SLC27A1: variants seen among roughly 807,000 people sequenced by gnomAD.
SLC27A1 encodes solute carrier family 27 member 1, also known as long-chain fatty acid transport protein 1.
Under a neutral mutation model 62.2 loss-of-function variants are expected in SLC27A1, and 61 were observed. The observed-to-expected ratio is 0.98, with a 90% CI of 0.80 to 1.21. The LOEUF is 1.21. Ranked by LOEUF, SLC27A1 falls within the 50% of genes most tolerant of loss-of-function variation. The pLI is 0.00. For synonymous variants in SLC27A1, 435 were observed against 408.6 expected (o/e 1.06, Z -0.78); for missense variants, 903 against 932.1 (o/e 0.97, Z 0.41).
At chr19:17,493,122 CAAA>C (rs35742259) in intron 6 of SLC27A1, among the ~76,000 whole-genome samples, 1 of 112,840 alleles carries the variant, frequency 8.9e-6, no homozygotes. Flanking sequence ...GACTCCATCT[CAAA>C]AAAAAAAAAA....
intron 1 of SLC27A1, among the ~76,000 whole-genome samples, chr19:17,476,883 GTTT>G (rs71162144): frequency 0.014 from 1,811 of 131,824 alleles, 41 homozygotes; most frequent in African/African-American, 0.047. Flanking sequence ...ATGATCATCT[GTTT>G]TTTTTTTTTT....
intron 6 of SLC27A1, among the ~76,000 whole-genome samples, chr19:17,492,642 GA>G (rs1403837606): frequency 7.3e-6 from 1 of 136,870 alleles, no homozygotes; most frequent in African/African-American, 2.7e-5. Context: ...AAAAGAAAAA[GA>G]AATAGAGGAC....
chr19:17,483,257 G>A (rs11670276), intron 1 of SLC27A1, among the ~76,000 whole-genome samples: 121,813 of 152,086 alleles, frequency 0.8, 50,089 homozygotes, highest in Non-Finnish European at 0.92. Context: ...GGGTAGAACA[G>A]AGAGCTCCCT....
Position 17,501,293 on chromosome 19 carries a change from A to T in SLC27A1, c.1657A>T (p.Met553Leu). 6.2e-7 allele frequency: 1 copy of T among 1,613,524 alleles called. No individual in the cohort carries two copies. Residue 553 changes from methionine (M) to leucine (L), a missense_variant, in exon 11 of 12, where the codon ATG becomes TTG. By Grantham distance (15) the Met-to-Leu change is conservative. Coordinates refer to ENST00000252595, the MANE Select transcript of SLC27A1 (RefSeq NM_198580.3). Reference protein sequence around the residue: ...AVPGVEGKAGMAAVADPHSLL... With the variant: ...AVPGVEGKAGLAAVADPHSLL... ...TCCAGGAGTGGAGGGTAAGGCAGGG[A>T]TGGCGGCCGTCGCAGACCCCCACAG...
intron 1 of SLC27A1, among the ~76,000 whole-genome samples, chr19:17,476,625 G>A (rs1277362024): frequency 8.6e-5 from 13 of 151,808 alleles, no homozygotes; most frequent in African/African-American, 2.7e-4. Flanking sequence ...CACTGGCTAC[G>A]TCGCCAGCAC....
At chr19:17,477,878 TA>T (rs2075140129) in intron 1 of SLC27A1, among the ~76,000 whole-genome samples, 1 of 151,818 alleles carries the variant, frequency 6.6e-6, no homozygotes, top group South Asian at 2.1e-4. Context: ...AAAATAAATT[TA>T]AAAAATTATT....
chr19:17,471,563 A>C (rs1429985835), intron 1 of SLC27A1, among the ~76,000 whole-genome samples: 1 of 152,090 alleles, frequency 6.6e-6, no homozygotes, highest in Non-Finnish European at 1.5e-5. Context: ...GGCTTCTATC[A>C]GAGCAGACCT....
intron 4 of SLC27A1, among the ~76,000 whole-genome samples, chr19:17,488,550 C>T (rs926296985): frequency 6.6e-6 from 1 of 152,172 alleles, no homozygotes; most frequent in South Asian, 2.1e-4. Flanking sequence ...CCATAGCTCG[C>T]CCCCACAGCT....
intron 1 of SLC27A1, among the ~76,000 whole-genome samples, chr19:17,478,466 C>CA (rs869214050): frequency 0.26 from 12,582 of 47,540 alleles, 1,751 homozygotes; most frequent in Non-Finnish European, 0.37. Context: ...GACTCCGTCT[C>CA]AAAAAAAAAA....
intron 1 of SLC27A1, among the ~76,000 whole-genome samples, chr19:17,477,543 CTTCT>C (rs374135945): frequency 1.4e-5 from 2 of 144,448 alleles, no homozygotes; most frequent in Admixed American, 7.0e-5. Flanking sequence ...CGTGCCTGGC[CTTCT>C]TTCTTTCTTT....
intron 6 of SLC27A1, 119 bp from the exon 7 acceptor site, chr19:17,497,136 T>G (rs2075357610): frequency 5.7e-6 from 4 of 705,920 alleles, no homozygotes; most frequent in Non-Finnish European, 9.3e-6. Context: ...TCATCATCCT[T>G]AGGCTGTTCC....
rs2075411362 is a variant in SLC27A1 at position 17,501,402 on chromosome 19, C to T, written c.1766C>T (p.Pro589Leu). 1.2e-6 allele frequency: 2 copies of T among 1,613,446 alleles called. No homozygotes were observed. Among genetic ancestry groups the T allele is most frequent in the African/African-American group, 1.3e-5 (1 of 75,034 alleles). ...YARPIFLRLL[P>L]QVDTTGTFKI... is the part of the protein sequence containing the mutation. ...CGGCCCATCTTCCTGCGCCTCCTGC[C>T]CCAGGTGGACACCACAGGTGCGAGT... is the stretch of plus-strand genomic sequence containing the variant. Residue 589 changes from proline (P) to leucine (L), a missense_variant, in exon 11 of 12, where the codon CCC becomes CTC. By Grantham distance (98) the Pro-to-Leu change is moderately conservative. Coordinates refer to ENST00000252595, the MANE Select transcript of SLC27A1 (RefSeq NM_198580.3).
At chr19:17,493,449 A>AC (rs2075316872) in intron 6 of SLC27A1, among the ~76,000 whole-genome samples, 2 of 149,592 alleles carry the variant, frequency 1.3e-5, no homozygotes, top group Non-Finnish European at 3.0e-5. Context: ...AAAAAAAAAA[A>AC]CAGGACAGAA....
At position 17,494,321 on chromosome 19, in the gene SLC27A1, CCTTTTT is replaced by C. The variant is rs543156579; in HGVS notation, c.997-2915_997-2910del. On this transcript the variant is annotated intron_variant, in intron 6 of 11. Coordinates refer to ENST00000252595, the MANE Select transcript of SLC27A1 (RefSeq NM_198580.3). ...TACAGGCGTGAGCCACCGTGCCTGGCCTTTTTCTTTTTCTTTTTCTTTTTGAGACGG... is the reference window on the plus strand; with the variant it reads ...TACAGGCGTGAGCCACCGTGCCTGGCCTTTTTCTTTTTCTTTTTGAGACGG... Among the ~76,000 whole-genome samples, 1,230 of 150,608 alleles carry C rather than the reference CCTTTTT, an allele frequency of 8.2e-3. 9 individuals are homozygous for C. Among genetic ancestry groups the C allele is most frequent in the Middle Eastern group, 0.022 (6 of 278 alleles).
chr19:17,487,622 TC>T, intron 4 of SLC27A1, 93 bp downstream of exon 4: 1 of 1,265,440 alleles, frequency 7.9e-7, no homozygotes, highest in Non-Finnish European at 1.1e-6. Flanking sequence ...TGTGGGCATC[TC>T]CATGTTACCC....
chr19:17,501,947 A>C (rs938098428), intron 11 of SLC27A1, among the ~76,000 whole-genome samples: 3 of 151,648 alleles, frequency 2.0e-5, no homozygotes, highest in Non-Finnish European at 4.4e-5. Flanking sequence ...CTGTGTCTCT[A>C]CTAAAAATAC....
At chr19:17,485,588 G>A (rs1296701310) in intron 1 of SLC27A1, among the ~76,000 whole-genome samples, 1 of 151,878 alleles carries the variant, frequency 6.6e-6, no homozygotes, top group African/African-American at 2.4e-5. Context: ...CCAATACTTT[G>A]GGAGGCCAGG....
Position 17,499,948 on chromosome 19 carries a change from G to T in SLC27A1, c.1207-330G>T, listed in dbSNP as rs920625630. On this transcript the variant is annotated intron_variant, in intron 7 of 11. Coordinates refer to ENST00000252595, the MANE Select transcript of SLC27A1 (RefSeq NM_198580.3). ...AGAACCATGCCAAGCAGGGCGGCGG[G>T]CAGCAGGTGAAGCTCTGCAGTGTCT... The T allele has an allele frequency of 2.3e-5, 7 of 301,930 alleles. No homozygotes were observed. The Admixed American group carries it at 3.3e-4, about 14-fold the overall frequency. The allele number at this position is 301,930 out of a possible 1,614,324, so 18.7% of individuals were successfully genotyped here.
intron 6 of SLC27A1, among the ~76,000 whole-genome samples, chr19:17,493,427 CAAAAAAAAA>C (rs769247313): frequency 2.8e-5 from 2 of 72,034 alleles, no homozygotes; most frequent in African/African-American, 1.3e-4. Context: ...AACTCCATCT[CAAAAAAAAA>C]AAAAAAAAAA....
Sources: allele counts gnomAD v4.1 joint callset (sites outside exome capture counted in the v4.1 genomes callset), GRCh38; gene constraint gnomAD v4.1.1; transcripts MANE v1.5; gene names NCBI Gene and HGNC (gene_info 2026-07-23, HGNC 2026-07-21).